UBE2E1: variants seen among roughly 807,000 people sequenced by gnomAD.
UBE2E1 encodes the protein ubiquitin conjugating enzyme E2 E1, also known as ubiquitin-conjugating enzyme E2 E1.
UBE2E1 carries 6 observed loss-of-function variants against 21.4 expected under a neutral mutation model. That is an observed-to-expected ratio of 0.28 (90% CI 0.15 to 0.55). The LOEUF (loss-of-function observed/expected upper bound fraction) is 0.55, where lower values mean the gene tolerates loss of function less well. Ranked by LOEUF, UBE2E1 falls within the 20% of genes least tolerant of loss-of-function variation. The pLI, the probability that UBE2E1 is intolerant of heterozygous loss-of-function variation, is 0.93. For missense variants in UBE2E1, 142 were observed against 236.5 expected (o/e 0.60, Z 2.62); for synonymous variants, 87 against 82.7 (o/e 1.05, Z -0.28).
At position 23,857,018 on chromosome 3, in the gene UBE2E1, A is replaced by G. The variant is rs73825118; in HGVS notation, c.204-30549A>G. Among the ~76,000 whole-genome samples, 512 of 146,024 alleles carry G rather than the reference A, an allele frequency of 3.5e-3. 7 individuals carry two copies. The highest frequency in any genetic ancestry group is 6.9e-3 in the South Asian group (32 of 4,636). On this transcript the variant is annotated intron_variant, in intron 3 of 5. Transcript: ENST00000306627. ...CTGTCTCTTAAAAAAAAAAAAAAAA[A>G]AGAGAGAGAATGAGAAATGCCATTT...
In UBE2E1 at chr3:23,871,389, C is replaced by T. The variant is rs572180669; in HGVS notation, c.204-16178C>T. Among the ~76,000 whole-genome samples the T allele has an allele frequency of 2.9e-4, 41 of 143,820 alleles. 3 individuals carry two copies. The highest frequency in any genetic ancestry group is 1.0e-3 in the African/African-American group (38 of 37,552). 94.4% of individuals were successfully genotyped at this position (143,820 alleles called of 152,430 possible). On this transcript the variant is annotated intron_variant, in intron 3 of 5. Coordinates refer to ENST00000306627, the MANE Select transcript of UBE2E1 (RefSeq NM_003341.5). ...GGCGGCTGGCCGGGCGGGGGGCTGA[C>T]CCCCCCACACCTCCCTCCCGGACAG...
intron 3 of UBE2E1, among the ~76,000 whole-genome samples, chr3:23,883,191 A>G (rs558322445): frequency 6.6e-6 from 1 of 152,314 alleles, no homozygotes; most frequent in South Asian, 2.1e-4. Flanking sequence ...ATACCATTCT[A>G]TGGTACACTT....
At chr3:23,871,124 G>A (rs1201983556) in intron 3 of UBE2E1, among the ~76,000 whole-genome samples, 3 of 152,100 alleles carry the variant, frequency 2.0e-5, no homozygotes, top group Non-Finnish European at 2.9e-5. Flanking sequence ...TCTTTTCCCC[G>A]CCTTTCCCCT....
chr3:23,850,859 T>TTTTTTA (rs1700309081), intron 3 of UBE2E1, among the ~76,000 whole-genome samples: 1 of 126,178 alleles, frequency 7.9e-6, no homozygotes, highest in African/African-American at 3.1e-5. Flanking sequence ...TTTTTTTTTT[T>TTTTTTA]TAAGAGACAG....
In UBE2E1 at chr3:23,890,887, G is replaced by A. The variant is rs148291247; in HGVS notation, c.*281G>A. On this transcript the variant is annotated 3_prime_UTR_variant, in exon 6 of 6. Coordinates refer to ENST00000306627, the MANE Select transcript of UBE2E1 (RefSeq NM_003341.5). ...TTTAGACATTTGGGTTCAGTTGCTT[G>A]TAGTCTGTAAATTTAAAACAGCTTA... 678 of 250,296 alleles carry A rather than the reference G, an allele frequency of 2.7e-3. 5 individuals are homozygous for A. Among genetic ancestry groups the A allele is most frequent in the African/African-American group, 0.013 (592 of 44,882 alleles). 15.5% of individuals were successfully genotyped at this position (250,296 alleles called of 1,614,324 possible). A position where few individuals can be genotyped will look rare whatever the true frequency, so the allele number is the denominator to read the frequency against.
rs1169291843 is a variant in UBE2E1 at position 23,858,458 on chromosome 3, T to C, written c.204-29109T>C. On this transcript the variant is annotated intron_variant, in intron 3 of 5. Coordinates refer to ENST00000306627, the MANE Select transcript of UBE2E1 (RefSeq NM_003341.5). ...CCTCAGCCTCCCGAGTAGCTGGGAT[T>C]ACAGGCATGCACCACCACGCCCAGC... is the stretch of plus-strand genomic sequence containing the variant. Among the ~76,000 whole-genome samples, 4 of 152,126 alleles carry C rather than the reference T, an allele frequency of 2.6e-5. No individual in the cohort carries two copies. The East Asian group carries it at 7.7e-4, about 29-fold the overall frequency.
chr3:23,817,584 A>G (rs1385575224), intron 3 of UBE2E1, among the ~76,000 whole-genome samples: 1 of 152,186 alleles, frequency 6.6e-6, no homozygotes, highest in Non-Finnish European at 1.5e-5. Flanking sequence ...ATAAAGTTTC[A>G]GAGGAGTGAG....
intron 3 of UBE2E1, among the ~76,000 whole-genome samples, chr3:23,860,994 A>G (rs958152125): frequency 3.3e-5 from 5 of 152,240 alleles, no homozygotes; most frequent in African/African-American, 1.2e-4. Flanking sequence ...GACTGCACCA[A>G]ATGCTACACA....
chr3:23,876,498 A>G lies in UBE2E1; in HGVS notation c.204-11069A>G, dbSNP rs1490762979. On this transcript the variant is annotated intron_variant, in intron 3 of 5. Transcript: ENST00000306627. The surrounding 1 kb of genome is among the most constrained non-coding windows in gnomAD (Gnocchi z 4.3). ...GCTACCTTCATAGCTTATCTTCTCTATGAATTTCTTAGCAATAGAAGAGTA... is the reference window on the plus strand; with the variant it reads ...GCTACCTTCATAGCTTATCTTCTCTGTGAATTTCTTAGCAATAGAAGAGTA... 1.3e-5 allele frequency among the ~76,000 whole-genome samples: 2 copies of G among 152,192 alleles called. No homozygotes were observed. Among genetic ancestry groups the G allele is most frequent in the East Asian group, 3.8e-4 (2 of 5,200 alleles).
intron 3 of UBE2E1, among the ~76,000 whole-genome samples, chr3:23,874,208 T>C (rs1700867783): frequency 6.6e-6 from 1 of 152,246 alleles, no homozygotes; most frequent in Non-Finnish European, 1.5e-5. Flanking sequence ...AATCTTTTCT[T>C]AGAATTGAGT....
At chr3:23,866,657 T>C (rs1469426248) in intron 3 of UBE2E1, among the ~76,000 whole-genome samples, 1 of 120,028 alleles carries the variant, frequency 8.3e-6, no homozygotes, top group Admixed American at 8.9e-5. Context: ...CTCTGCATTT[T>C]TGGAGTTGTC....
intron 3 of UBE2E1, among the ~76,000 whole-genome samples, chr3:23,819,108 C>T (rs1424671108): frequency 6.6e-6 from 1 of 151,968 alleles, no homozygotes; most frequent in African/African-American, 2.4e-5. Flanking sequence ...CATGGTGAAA[C>T]CCCATCTCTA....
chr3:23,874,209 A>G (rs892270259), intron 3 of UBE2E1, among the ~76,000 whole-genome samples: 2 of 152,232 alleles, frequency 1.3e-5, no homozygotes, highest in African/African-American at 4.8e-5. Context: ...ATCTTTTCTT[A>G]GAATTGAGTA....
At chr3:23,882,584 T>G (rs2125327478) in intron 3 of UBE2E1, among the ~76,000 whole-genome samples, 2 of 151,732 alleles carry the variant, frequency 1.3e-5, no homozygotes, top group East Asian at 4.0e-4. Flanking sequence ...GAGCAGGGGG[T>G]GGTCCCCATC....
In UBE2E1 at chr3:23,825,991, A is replaced by G. The variant is rs1575810919; in HGVS notation, c.203+14481A>G. 2.6e-5 allele frequency among the ~76,000 whole-genome samples: 4 copies of G among 152,266 alleles called. No individual in the cohort carries two copies. In the Middle Eastern group the frequency reaches 0.01, roughly 388 times the overall value. ...GGAGTTTGAAGCTGTGGTGTGTACT[A>G]TGATTGCACCTGTGAGTGGCCACTG... On this transcript the variant is annotated intron_variant, in intron 3 of 5. Coordinates refer to ENST00000306627, the MANE Select transcript of UBE2E1 (RefSeq NM_003341.5).
intron 3 of UBE2E1, among the ~76,000 whole-genome samples, chr3:23,818,525 C>T (rs1699575235): frequency 6.6e-6 from 1 of 152,186 alleles, no homozygotes; most frequent in Non-Finnish European, 1.5e-5. Flanking sequence ...AATGATACAG[C>T]AAGCGCCCAC....
intron 3 of UBE2E1, among the ~76,000 whole-genome samples, chr3:23,833,811 A>G (rs1699918044): frequency 6.6e-6 from 1 of 152,162 alleles, no homozygotes; most frequent in Non-Finnish European, 1.5e-5. Context: ...AACCTGAGCA[A>G]CACAGCGAGA....
rs936551560 is a variant in UBE2E1, at chr3:23,891,542, T to A, written c.*936T>A. 4 of 152,186 alleles carry A rather than the reference T, an allele frequency of 2.6e-5. No homozygotes were observed. The highest frequency in any genetic ancestry group is 9.6e-5 in the African/African-American group (4 of 41,452). 9.4% of individuals were successfully genotyped at this position (152,186 alleles called of 1,614,324 possible). A position where few individuals can be genotyped will look rare whatever the true frequency, so the allele number is the denominator to read the frequency against. On this transcript the variant is annotated 3_prime_UTR_variant, in exon 6 of 6. Transcript: ENST00000306627. ...GGCTTCAAAGACGAACCCTACTGCA[T>A]CTTTTTAAAAGCATTTTCTGACTTG...
Position 23,850,681 on chromosome 3 carries a change from GT to G in UBE2E1, c.204-36866del, listed in dbSNP as rs550418701. 6.7e-3 allele frequency among the ~76,000 whole-genome samples: 701 copies of G among 104,314 alleles called. 2 individuals are homozygous for G. Among genetic ancestry groups the G allele is most frequent in the African/African-American group, 0.018 (502 of 27,542 alleles). 68.4% of individuals were successfully genotyped at this position (104,314 alleles called of 152,430 possible). On this transcript the variant is annotated intron_variant, in intron 3 of 5. Coordinates refer to ENST00000306627, the MANE Select transcript of UBE2E1 (RefSeq NM_003341.5). Reference sequence around the variant, plus strand: ...ACCACTGCATCCGGCACACCTGATTGTTTTTTTTTTTTTTTTTTTTGAGATA... The same window carrying G: ...ACCACTGCATCCGGCACACCTGATTGTTTTTTTTTTTTTTTTTTTGAGATA...
Sources: allele counts gnomAD v4.1 joint callset (sites outside exome capture counted in the v4.1 genomes callset), GRCh38; gene constraint gnomAD v4.1.1; non-coding constraint Gnocchi (gnomAD v3.1); transcripts MANE v1.5; gene names NCBI Gene and HGNC (gene_info 2026-07-23, HGNC 2026-07-21).